WDR70: variants seen among roughly 807,000 people sequenced by gnomAD.
WDR70 encodes the protein WD repeat-containing protein 70.
Under a neutral mutation model 88.6 loss-of-function variants are expected in WDR70, and 53 were observed. That is an observed-to-expected ratio of 0.60 (90% CI 0.48 to 0.75). WDR70 has a LOEUF of 0.75. WDR70 is among the 30% of genes least tolerant of loss of function. WDR70 has a pLI of 0.00. For missense variants in WDR70, 610 were observed against 823.2 expected (o/e 0.74, Z 3.17); for synonymous variants, 280 against 270.0 (o/e 1.04, Z -0.36).
chr5:37,388,865 C>A (rs1333458278), intron 3 of WDR70, among the ~76,000 whole-genome samples: 5 of 151,864 alleles, frequency 3.3e-5, no homozygotes, highest in Non-Finnish European at 7.4e-5. Flanking sequence ...CCAGCCTGGG[C>A]AACATGGTGA....
intron 9 of WDR70, among the ~76,000 whole-genome samples, chr5:37,529,574 T>A (rs1441499723): frequency 6.6e-5 from 10 of 151,946 alleles, no homozygotes; most frequent in South Asian, 2.1e-4. Flanking sequence ...TTATTTATTT[T>A]TTTTTGCAGC....
chr5:37,540,549 T>G (rs1741787418), intron 9 of WDR70, among the ~76,000 whole-genome samples: 2 of 152,088 alleles, frequency 1.3e-5, no homozygotes, highest in Non-Finnish European at 2.9e-5. Context: ...GCCCAGCTAA[T>G]TTTTGTATTT....
chr5:37,698,416 G>C (rs1223747184), intron 11 of WDR70, among the ~76,000 whole-genome samples: 1 of 152,118 alleles, frequency 6.6e-6, no homozygotes. Flanking sequence ...TATTTGTGGG[G>C]AGAGAAAAGA....
intron 7 of WDR70, among the ~76,000 whole-genome samples, chr5:37,478,940 T>G (rs747774890): frequency 2.0e-5 from 3 of 151,714 alleles, no homozygotes; most frequent in Non-Finnish European, 4.4e-5. Flanking sequence ...ATGGTGAGGG[T>G]GGAAAGGTAT....
chr5:37,578,592 T>C (rs1214508395), intron 9 of WDR70, among the ~76,000 whole-genome samples: 1 of 152,234 alleles, frequency 6.6e-6, no homozygotes, highest in Non-Finnish European at 1.5e-5. Context: ...TTTGTGTCAT[T>C]TTTCTTATTT....
At chr5:37,732,090 C>T (rs1748160923) in intron 17 of WDR70, among the ~76,000 whole-genome samples, 1 of 152,062 alleles carries the variant, frequency 6.6e-6, no homozygotes, top group Non-Finnish European at 1.5e-5. Flanking sequence ...CAAAAGAAAT[C>T]CAGTGGTACT....
intron 5 of WDR70, among the ~76,000 whole-genome samples, chr5:37,398,261 C>T (rs962636546): frequency 1.1e-4 from 17 of 151,586 alleles, no homozygotes; most frequent in Non-Finnish European, 2.2e-4. Flanking sequence ...GCTGATTTTT[C>T]GTATTTTTAG....
chr5:37,636,980 G>A (rs184175206), intron 10 of WDR70, among the ~76,000 whole-genome samples: 2 of 152,022 alleles, frequency 1.3e-5, no homozygotes, highest in Non-Finnish European at 2.9e-5. Flanking sequence ...TAACATTAGG[G>A]GAAGCTGTGA....
rs544294124 is a variant in WDR70 at position 37,679,283 on chromosome 5, A to G, written c.1093-18372A>G. ...TGTTCCATTGCTGGTGAGGAACTGC[A>G]TTCCTTTGGAGGAGGAGAGGCACCC... On this transcript the variant is annotated intron_variant, in intron 10 of 17. Transcript: ENST00000265107. Among the ~76,000 whole-genome samples, 16 of 152,214 alleles carry G rather than the reference A, an allele frequency of 1.1e-4. No homozygotes were observed. In the Middle Eastern group the frequency reaches 0.014, roughly 129 times the overall value.
chr5:37,685,527 G>T (rs1289128220), intron 10 of WDR70, among the ~76,000 whole-genome samples: 6 of 152,080 alleles, frequency 3.9e-5, no homozygotes. Flanking sequence ...CTGACTTAGG[G>T]GTACTCAGGT....
At chr5:37,659,279 TG>T in intron 10 of WDR70, among the ~76,000 whole-genome samples, 1 of 152,346 alleles carries the variant, frequency 6.6e-6, no homozygotes, top group East Asian at 1.9e-4. Context: ...ATGACATTTT[TG>T]TTTTAACTTC....
At chr5:37,618,534 T>C (rs1343525268) in intron 10 of WDR70, among the ~76,000 whole-genome samples, 1 of 152,098 alleles carries the variant, frequency 6.6e-6, no homozygotes, top group Non-Finnish European at 1.5e-5. Flanking sequence ...CACGCCTGGC[T>C]AATTTTCATA....
chr5:37,639,789 G>A (rs1745058318), intron 10 of WDR70, among the ~76,000 whole-genome samples: 1 of 152,010 alleles, frequency 6.6e-6, no homozygotes, highest in South Asian at 2.1e-4. Flanking sequence ...TTAATAATAT[G>A]GCAACTGTTT....
At chr5:37,730,362 T>C (rs537838392) in intron 17 of WDR70, among the ~76,000 whole-genome samples, 4 of 152,266 alleles carry the variant, frequency 2.6e-5, no homozygotes, top group African/African-American at 9.6e-5. Context: ...CTTCTTTTCA[T>C]CCCCCATCTT....
chr5:37,721,603 T>G (rs980406519), intron 14 of WDR70: 21 of 177,928 alleles, frequency 1.2e-4, no homozygotes, highest in Non-Finnish European at 1.9e-4. Flanking sequence ...CCATTTTGCT[T>G]CTTTCTTTTT....
intron 17 of WDR70, among the ~76,000 whole-genome samples, chr5:37,751,314 AT>A (rs1561105659): frequency 6.6e-6 from 1 of 152,262 alleles, no homozygotes; most frequent in Non-Finnish European, 1.5e-5. Context: ...GTTTATAGAT[AT>A]CATAACAGTG....
At position 37,379,573 on chromosome 5, in the gene WDR70, C is replaced by G; in HGVS notation, c.91+19C>G. 1 of 1,613,338 alleles carries G rather than the reference C, an allele frequency of 6.2e-7. No homozygotes were observed. ...GGGTTCGGTGAGTGACTGCCCCAGG[C>G]AGAGACCCTCTTCCTTGTGCAGAGG... On this transcript the variant is annotated intron_variant, in intron 2 of 17. Coordinates refer to ENST00000265107, the MANE Select transcript of WDR70 (RefSeq NM_018034.4).
intron 7 of WDR70, among the ~76,000 whole-genome samples, chr5:37,474,009 C>T (rs1218257209): frequency 1.3e-5 from 2 of 152,084 alleles, no homozygotes; most frequent in South Asian, 2.1e-4. Flanking sequence ...AGCTATATGT[C>T]ACAAGTTCTA....
intron 8 of WDR70, among the ~76,000 whole-genome samples, chr5:37,497,896 ACTGCAATCT>A (rs1740278958): frequency 1.3e-5 from 2 of 152,220 alleles, no homozygotes; most frequent in South Asian, 4.2e-4. Flanking sequence ...ATCTTGGCTC[ACTGCAATCT>A]CTGCTTCTTG....
Sources: gnomAD v4.1 joint callset for allele counts (sites outside exome capture counted in the v4.1 genomes callset) on GRCh38, gnomAD v4.1.1 for gene constraint, MANE v1.5 for transcripts, NCBI Gene and HGNC (gene_info 2026-07-23, HGNC 2026-07-21) for gene names.